MYEF2: variants seen among roughly 807,000 people sequenced by gnomAD.
The protein encoded by MYEF2 is myelin expression factor 2.
Under a neutral mutation model 75.2 loss-of-function variants are expected in MYEF2, and 37 were observed. The observed-to-expected ratio is 0.49, with a 90% CI of 0.38 to 0.65. The LOEUF is 0.65. Among genes scored for constraint, MYEF2 ranks in the 30% least tolerant of loss-of-function variants. The pLI is 0.00. For synonymous variants in MYEF2, 195 were observed against 241.6 expected (o/e 0.81, Z 1.79); for missense variants, 634 against 771.4 (o/e 0.82, Z 2.11).
Position 48,174,959 on chromosome 15 carries a change from T to C in MYEF2, c.161+3118A>G, listed in dbSNP as rs75136902. ...GGGTATATATCCAATGAAAATGAAA[T>C]CACTATCTCAAGGAGATATCTGCAC... On this transcript the variant is annotated intron_variant, in intron 1 of 16. Transcript: ENST00000324324. Among the ~76,000 whole-genome samples, 512 of 152,170 alleles carry C rather than the reference T, an allele frequency of 3.4e-3. 3 individuals carry two copies. The highest frequency in any genetic ancestry group is 0.012 in the African/African-American group (500 of 41,538).
Position 48,158,056 on chromosome 15 carries a change from C to T in MYEF2, c.922G>A (p.Asp308Asn). The change falls in exon 9 of 17, where the codon GAT becomes AAT. Residue 308 changes from aspartate (D) to asparagine (N), a missense_variant and splice_region_variant. Transcript: ENST00000324324. Reference sequence around the variant, plus strand: ...TCTTCATGAGGAACAGACTTGTCATCCTAATTGCAAGAAAGTTTATAATAT... The same window carrying T: ...TCTTCATGAGGAACAGACTTGTCATTCTAATTGCAAGAAAGTTTATAATAT... The part of the protein sequence containing the change: ...LFDRPMHVKM[D>N]DKSVPHEEYR... 1.9e-6 allele frequency: 3 copies of T among 1,612,940 alleles called. No individual in the cohort carries two copies. The highest frequency in any genetic ancestry group is 2.5e-6 in the Non-Finnish European group (3 of 1,179,332).
At chr15:48,148,177 A>G (rs2140823077) in intron 16 of MYEF2, among the ~76,000 whole-genome samples, 1 of 152,148 alleles carries the variant, frequency 6.6e-6, no homozygotes, top group South Asian at 2.1e-4. Context: ...TATCTTATGT[A>G]ATTTCCTATT....
intron 1 of MYEF2, among the ~76,000 whole-genome samples, chr15:48,174,543 A>G (rs1328754998): frequency 6.6e-6 from 1 of 152,102 alleles, no homozygotes; most frequent in Non-Finnish European, 1.5e-5. Flanking sequence ...AAATTTGCAA[A>G]CCATATATCC....
Position 48,136,543 on chromosome 15 carries a change from A to G in MYEF2, c.*6365T>C, listed in dbSNP as rs1470299589. ...TGTAATCAAGTCTGGACAAATCTAC[A>G]AAACAAAAAATATCTAGAAATGTTT... is the stretch of plus-strand genomic sequence containing the variant. On this transcript the variant is annotated 3_prime_UTR_variant, in exon 17 of 17. Transcript: ENST00000324324. 2.5e-6 allele frequency: 2 copies of G among 804,942 alleles called. No homozygotes were observed. Among genetic ancestry groups the G allele is most frequent in the Non-Finnish European group, 3.7e-6 (2 of 534,250 alleles). The allele number at this position is 804,942 out of a possible 1,614,324, so 49.9% of individuals were successfully genotyped here. A position where few individuals can be genotyped will look rare whatever the true frequency, so the allele number is the denominator to read the frequency against.
intron 1 of MYEF2, among the ~76,000 whole-genome samples, chr15:48,169,182 C>G (rs8024594): frequency 0.88 from 134,124 of 152,196 alleles, 61,125 homozygotes; most frequent in Non-Finnish European, 1. Flanking sequence ...TCTAAGGTAT[C>G]TAAAACTGCC....
At position 48,139,158 on chromosome 15, in the gene MYEF2, G is replaced by T; in HGVS notation, c.*3750C>A. ...TCCGCATTTACATATATCCTGGTTT[G>T]GATGGTCACAATAACTGGTATGTAT... On this transcript the variant is annotated 3_prime_UTR_variant, in exon 17 of 17. Transcript: ENST00000324324. The T allele has an allele frequency of 6.2e-7, 1 of 1,611,402 alleles. No individual in the cohort carries two copies. Among genetic ancestry groups the T allele is most frequent in the Non-Finnish European group, 8.5e-7 (1 of 1,178,426 alleles).
chr15:48,136,550 AAAATATCTAG>A lies in MYEF2; in HGVS notation c.*6348_*6357del, dbSNP rs2038904849. Reference sequence around the variant, plus strand: ...AAGTCTGGACAAATCTACAAAACAAAAAATATCTAGAAATGTTTGATTGTTCTATGGCTAC... The same window carrying A: ...AAGTCTGGACAAATCTACAAAACAAAAAATGTTTGATTGTTCTATGGCTAC... On this transcript the variant is annotated 3_prime_UTR_variant, in exon 17 of 17. Transcript: ENST00000324324. 3 of 855,944 alleles carry A rather than the reference AAAATATCTAG, an allele frequency of 3.5e-6. No homozygotes were observed. Among genetic ancestry groups the A allele is most frequent in the Non-Finnish European group, 5.2e-6 (3 of 578,310 alleles). 53.0% of individuals were successfully genotyped at this position (855,944 alleles called of 1,614,324 possible).
rs373028909 is a variant in MYEF2 at position 48,142,043 on chromosome 15, G to A, written c.*865C>T. 63 of 1,610,644 alleles carry A rather than the reference G, an allele frequency of 3.9e-5. No individual in the cohort carries two copies. Among genetic ancestry groups the A allele is most frequent in the Non-Finnish European group, 5.3e-5 (63 of 1,177,838 alleles). On this transcript the variant is annotated 3_prime_UTR_variant, in exon 17 of 17. Transcript: ENST00000324324. ...TTCTTTTGTAGGGAAAGGAGATATGGCTATGTCTAACATCGTGGGATCCAA... is the reference window on the plus strand; with the variant it reads ...TTCTTTTGTAGGGAAAGGAGATATGACTATGTCTAACATCGTGGGATCCAA...
intron 1 of MYEF2, among the ~76,000 whole-genome samples, chr15:48,171,829 A>G (rs1431006615): frequency 6.6e-6 from 1 of 152,190 alleles, no homozygotes; most frequent in African/African-American, 2.4e-5. Flanking sequence ...CTAAATTCCC[A>G]AACTGTTCAT....
intron 1 of MYEF2, among the ~76,000 whole-genome samples, chr15:48,172,466 G>T (rs1337492558): frequency 1.4e-5 from 2 of 145,694 alleles, no homozygotes; most frequent in African/African-American, 5.1e-5. Flanking sequence ...CTAGAAAAAA[G>T]AGCTCAGTCC....
chr15:48,149,020 T>G lies in MYEF2; in HGVS notation c.1639+12A>C. 6.2e-7 allele frequency: 1 copy of G among 1,612,562 alleles called. No homozygotes were observed. Among genetic ancestry groups the G allele is most frequent in the Non-Finnish European group, 8.5e-7 (1 of 1,178,898 alleles). On this transcript the variant is annotated intron_variant, in intron 16 of 16. Transcript: ENST00000324324. The surrounding 1 kb of genome is among the most constrained non-coding windows in gnomAD (Gnocchi z 4.0). Reference sequence around the variant, plus strand: ...TCAATATCAACATATCTGCAGTCATTTGCATACTTACCACACTGACTGAAT... The same window carrying G: ...TCAATATCAACATATCTGCAGTCATGTGCATACTTACCACACTGACTGAAT...
At chr15:48,156,667 T>C (rs8037198) in intron 9 of MYEF2, among the ~76,000 whole-genome samples, 122,074 of 151,752 alleles carry the variant, frequency 0.8, 53,921 homozygotes, top group Non-Finnish European at 1. Flanking sequence ...ACACAATAAC[T>C]AAAAATTAAA....
chr15:48,174,443 T>C (rs187204413), intron 1 of MYEF2, among the ~76,000 whole-genome samples: 3 of 149,938 alleles, frequency 2.0e-5, no homozygotes, highest in Non-Finnish European at 3.0e-5. Flanking sequence ...CAAACAAAAG[T>C]AAACAACTGG....
chr15:48,169,604 T>C (rs533853236), intron 1 of MYEF2, among the ~76,000 whole-genome samples: 1,762 of 151,932 alleles, frequency 0.012, 38 homozygotes, highest in African/African-American at 0.041. Context: ...ACCTGATTTT[T>C]TTTTTTTTTT....
intron 11 of MYEF2, 43 bp from the exon 12 acceptor site, chr15:48,151,985 G>A: frequency 1.3e-6 from 2 of 1,576,698 alleles, no homozygotes; most frequent in Non-Finnish European, 1.7e-6. Flanking sequence ...TGTCAGTCAT[G>A]TAGCTGAAAG....
chr15:48,153,175 G>T (rs902601543), intron 10 of MYEF2: 16 of 151,964 alleles, frequency 1.1e-4, no homozygotes, highest in African/African-American at 3.9e-4. Flanking sequence ...TTGAAAAATA[G>T]TTTATTTTCT....
In MYEF2 at chr15:48,141,108, T is replaced by C; in HGVS notation, c.*1800A>G. The C allele has an allele frequency of 6.2e-7, 1 of 1,607,010 alleles. No homozygotes were observed. Among genetic ancestry groups the C allele is most frequent in the Non-Finnish European group, 8.5e-7 (1 of 1,173,948 alleles). ...TTTGTAACTTGAAATATCTGTTTAT[T>C]ACAGGGGAAACACTAGAAATTCCCG... is the stretch of plus-strand genomic sequence containing the variant. On this transcript the variant is annotated 3_prime_UTR_variant, in exon 17 of 17. Transcript: ENST00000324324.
Position 48,146,758 on chromosome 15 carries a change from A to C in MYEF2, c.1639+2274T>G, listed in dbSNP as rs142468103. 7.9e-5 allele frequency among the ~76,000 whole-genome samples: 12 copies of C among 152,162 alleles called. No individual in the cohort carries two copies. The East Asian group carries it at 2.3e-3, about 29-fold the overall frequency. ...ACTGCCTTTTACTGCCCAAGAGGCCATTACTGGCTTGCAGCATGTTAAAAA... is the reference window on the plus strand; with the variant it reads ...ACTGCCTTTTACTGCCCAAGAGGCCCTTACTGGCTTGCAGCATGTTAAAAA... On this transcript the variant is annotated intron_variant, in intron 16 of 16. Transcript: ENST00000324324.
At chr15:48,148,938 G>A in intron 16 of MYEF2, 94 bp downstream of exon 16, 2 of 1,277,956 alleles carry the variant, frequency 1.6e-6, no homozygotes, top group Non-Finnish European at 2.3e-6. Flanking sequence ...TAGGCATCCG[G>A]ACAGGCAAAG....
Sources: gnomAD v4.1 joint callset for allele counts (sites outside exome capture counted in the v4.1 genomes callset) on GRCh38, gnomAD v4.1.1 for gene constraint, Gnocchi (gnomAD v3.1) non-coding constraint, MANE v1.5 for transcripts, NCBI Gene and HGNC (gene_info 2026-07-23, HGNC 2026-07-21) for gene names.